Variants in EXOC4 observed in about 807,000 individuals in gnomAD.
The protein encoded by EXOC4 is exocyst complex component 4.
A neutral mutation model predicts 107.2 loss-of-function variants in EXOC4; 71 were observed. That is an observed-to-expected ratio of 0.66 (90% confidence interval 0.55 to 0.81). The LOEUF is 0.81. Ranked by LOEUF, EXOC4 falls within the 30% of genes least tolerant of loss-of-function variation. EXOC4 has a pLI of 0.00. For missense variants in EXOC4, 1,108 were observed against 1,189.6 expected, an observed-to-expected ratio of 0.93 and a Z score of 1.01; for synonymous variants, 456 against 441.2, an observed-to-expected ratio of 1.03 and a Z score of -0.42.
intron 5 of EXOC4, among the ~76,000 whole-genome samples, chr7:133,337,394 A>C (rs12534096): frequency 0.3 from 45,031 of 151,952 alleles, 7,556 homozygotes; most frequent in African/African-American, 0.46. Context: ...GTACTGTTCA[A>C]CATTTTCACT....
At chr7:134,042,156 G>C (rs1366416810) in intron 17 of EXOC4, among the ~76,000 whole-genome samples, 2 of 152,216 alleles carry the variant, frequency 1.3e-5, no homozygotes, top group African/African-American at 4.8e-5. Flanking sequence ...GAGGATACCT[G>C]GGAAAAACTG....
chr7:133,752,716 C>A (rs1795819893), intron 10 of EXOC4, among the ~76,000 whole-genome samples: 1 of 152,088 alleles, frequency 6.6e-6, no homozygotes, highest in African/African-American at 2.4e-5. Context: ...AAGTAGAAAC[C>A]ATCAGTCTTT....
At chr7:133,838,505 C>T (rs566696380) in intron 11 of EXOC4, among the ~76,000 whole-genome samples, 10 of 152,256 alleles carry the variant, frequency 6.6e-5, no homozygotes, top group Admixed American at 5.9e-4. Context: ...TAGTAATAAT[C>T]TCACCCCCTT....
chr7:133,882,122 C>T (rs1798979463), intron 11 of EXOC4, among the ~76,000 whole-genome samples: 1 of 152,166 alleles, frequency 6.6e-6, no homozygotes, highest in Non-Finnish European at 1.5e-5. Context: ...CTGTGACTGG[C>T]TACTTTCATT....
At chr7:133,836,404 C>T (rs904125098) in intron 11 of EXOC4, among the ~76,000 whole-genome samples, 33 of 152,166 alleles carry the variant, frequency 2.2e-4, no homozygotes, top group African/African-American at 7.7e-4. Flanking sequence ...GGCCCTTCTC[C>T]TTCTGGCCAA....
At position 133,439,182 on chromosome 7, in the gene EXOC4, C is replaced by CTTTTTT. The variant is rs35280420; in HGVS notation, c.1183-36130_1183-36125dup. ...GGAAATATACCATATTTCATCAGTT[C>CTTTTTT]TTTTTTTTTTTTTTTTTTTTTGAGA... is the stretch of plus-strand genomic sequence containing the variant. On this transcript the variant is annotated intron_variant, in intron 7 of 17. Coordinates refer to ENST00000253861, the MANE Select transcript of EXOC4 (RefSeq NM_021807.4). 7.2e-4 allele frequency among the ~76,000 whole-genome samples: 68 copies of CTTTTTT among 94,070 alleles called. 3 individuals are homozygous for CTTTTTT. Among genetic ancestry groups the CTTTTTT allele is most frequent in the East Asian group, 1.4e-3 (4 of 2,862 alleles). The allele number at this position is 94,070 out of a possible 152,430, so 61.7% of individuals were successfully genotyped here. A position where few individuals can be genotyped will look rare whatever the true frequency, so the allele number is the denominator to read the frequency against.
At chr7:133,630,022 G>GT (rs776123788) in intron 9 of EXOC4, 23 bp from the exon 10 acceptor site, 115 of 1,567,494 alleles carry the variant, frequency 7.3e-5, no homozygotes, top group Non-Finnish European at 9.1e-5. Context: ...AGCTAAGTCT[G>GT]TTTTTTTTCT....
At chr7:133,459,124 G>A (rs1007163827) in intron 7 of EXOC4, among the ~76,000 whole-genome samples, 1 of 152,218 alleles carries the variant, frequency 6.6e-6, no homozygotes, top group Non-Finnish European at 1.5e-5. Context: ...GAGAACATGA[G>A]GTACATGAAT....
chr7:133,299,290 C>A (rs1794590757), intron 3 of EXOC4, among the ~76,000 whole-genome samples: 1 of 151,986 alleles, frequency 6.6e-6, no homozygotes, highest in African/African-American at 2.4e-5. Flanking sequence ...TCTTGAAAAC[C>A]TTTAAAGGTC....
chr7:133,696,337 A>G (rs928837241), intron 10 of EXOC4, among the ~76,000 whole-genome samples: 4 of 152,178 alleles, frequency 2.6e-5, no homozygotes, highest in African/African-American at 9.6e-5. Flanking sequence ...GAACCAGCCA[A>G]TTAAGAAAGA....
At chr7:133,453,041 TCTGGGAGGAGAATAAACCATAAA>T (rs1798382665) in intron 7 of EXOC4, among the ~76,000 whole-genome samples, 1 of 152,194 alleles carries the variant, frequency 6.6e-6, no homozygotes, top group South Asian at 2.1e-4. Flanking sequence ...TGTTACCTTT[TCTGGGAGGAGAATAAACCATAAA>T]TATGAACGAG....
At chr7:133,733,046 A>G in intron 10 of EXOC4, 1 of 186,366 alleles carries the variant, frequency 5.4e-6, no homozygotes, top group South Asian at 1.1e-4. Context: ...TCTAAATGCA[A>G]CTTGACTGCA....
At chr7:133,649,136 T>C (rs1309745406) in intron 10 of EXOC4, among the ~76,000 whole-genome samples, 1 of 152,180 alleles carries the variant, frequency 6.6e-6, no homozygotes, top group African/African-American at 2.4e-5. Flanking sequence ...CCCTCCTCTT[T>C]TAAAAATTAC....
Position 134,064,415 on chromosome 7 carries a change from G to C in EXOC4, c.2812G>C (p.Gly938Arg), listed in dbSNP as rs1796140021. Residue 938 changes from glycine (G) to arginine (R), a missense_variant, in exon 18 of 18, where the codon GGG (glycine) becomes CGG (arginine). Physicochemically the swap from Gly to Arg is moderately radical, Grantham distance 125. Coordinates refer to ENST00000253861, the MANE Select transcript of EXOC4 (RefSeq NM_021807.4). ...GACCCTGCTGCACCGCAGCCAGACT[G>C]GGGTGGGGGAACTGACCACCCAGAA... ...ALTLLHRSQT[G>R]VGELTTQNTR... is the part of the protein sequence containing the mutation. The C allele has an allele frequency of 1.9e-6, 3 of 1,607,458 alleles. No individual in the cohort carries two copies. Among genetic ancestry groups the C allele is most frequent in the African/African-American group, 2.7e-5 (2 of 74,760 alleles).
At chr7:133,321,287 ATTATAC>A (rs1481488065) in intron 5 of EXOC4, among the ~76,000 whole-genome samples, 4 of 151,372 alleles carry the variant, frequency 2.6e-5, no homozygotes, top group Non-Finnish European at 5.9e-5. Flanking sequence ...TTTTTTTTAA[ATTATAC>A]TTTAAGTTCT....
At chr7:133,614,635 C>T (rs1802146372) in intron 9 of EXOC4, among the ~76,000 whole-genome samples, 1 of 151,994 alleles carries the variant, frequency 6.6e-6, no homozygotes, top group East Asian at 1.9e-4. Context: ...AAGGATTACA[C>T]CATTGAAGAT....
chr7:133,770,604 CATACAT>C (rs1466974326), intron 10 of EXOC4, among the ~76,000 whole-genome samples: 4 of 151,890 alleles, frequency 2.6e-5, no homozygotes, highest in Non-Finnish European at 4.4e-5. Context: ...TCAGGGTAAA[CATACAT>C]ATACATATGT....
At chr7:133,569,866 A>G (rs900577963) in intron 9 of EXOC4, among the ~76,000 whole-genome samples, 1 of 152,162 alleles carries the variant, frequency 6.6e-6, no homozygotes, top group Non-Finnish European at 1.5e-5. Flanking sequence ...TATTTTACAG[A>G]TTCTATATTT....
intron 12 of EXOC4, among the ~76,000 whole-genome samples, chr7:133,912,356 C>T (rs1044658946): frequency 6.6e-5 from 10 of 152,302 alleles, no homozygotes; most frequent in African/African-American, 9.6e-5. Flanking sequence ...TGTCAATAAT[C>T]GCTCTTTGGT....
Sources: allele counts gnomAD v4.1 joint callset (sites outside exome capture counted in the v4.1 genomes callset), GRCh38; gene constraint gnomAD v4.1.1; transcripts MANE v1.5; gene names NCBI Gene and HGNC (gene_info 2026-07-23, HGNC 2026-07-21).